The following FAM107B variants were observed in gnomAD, a reference collection of about 807,000 sequenced individuals.
FAM107B encodes family with sequence similarity 107 member B, also known as protein FAM107B.
Under a neutral mutation model 31.5 loss-of-function variants are expected in FAM107B, and 21 were observed. That is an observed-to-expected ratio of 0.67 (90% CI 0.47 to 0.96). The LOEUF is 0.96. FAM107B is among the 40% of genes least tolerant of loss of function. The pLI, the probability that FAM107B is intolerant of heterozygous loss-of-function variation, is 0.00. For synonymous variants in FAM107B, 157 were observed against 141.5 expected, an observed-to-expected ratio of 1.11 and a Z score of -0.78; for missense variants, 452 against 377.1, an observed-to-expected ratio of 1.20 and a Z score of -1.64.
intron 2 of FAM107B, among the ~76,000 whole-genome samples, chr10:14,632,482 G>T (rs1172825023): frequency 6.6e-6 from 1 of 151,302 alleles, no homozygotes; most frequent in Non-Finnish European, 1.5e-5. Context: ...GTGGTGGCGG[G>T]CGCCTGTAGT....
chr10:14,577,766 A>G (rs999160544), intron 2 of FAM107B, among the ~76,000 whole-genome samples: 4 of 152,224 alleles, frequency 2.6e-5, no homozygotes, highest in Admixed American at 6.5e-5. Flanking sequence ...AGCAGGCCCA[A>G]TGTTTTTAAC....
intron 2 of FAM107B, among the ~76,000 whole-genome samples, chr10:14,639,567 CCA>C (rs2131430322): frequency 6.6e-6 from 1 of 152,286 alleles, no homozygotes; most frequent in East Asian, 1.9e-4. Context: ...AAGACTACCC[CCA>C]AGATCCACCA....
At chr10:14,697,409 A>G (rs568606446) in intron 1 of FAM107B, among the ~76,000 whole-genome samples, 2 of 152,358 alleles carry the variant, frequency 1.3e-5, no homozygotes, top group African/African-American at 4.8e-5. Flanking sequence ...GAAATAATGC[A>G]GGGCTCTGCA....
chr10:14,558,465 T>C (rs1274089240), intron 2 of FAM107B, among the ~76,000 whole-genome samples: 2 of 152,186 alleles, frequency 1.3e-5, no homozygotes, highest in Non-Finnish European at 2.9e-5. Context: ...GGTAACTTAT[T>C]CACAAAGCAC....
intron 1 of FAM107B, among the ~76,000 whole-genome samples, chr10:14,767,017 T>TGG (rs1833176253): frequency 1.8e-5 from 1 of 55,708 alleles, no homozygotes; most frequent in African/African-American, 8.8e-5. Flanking sequence ...ATATCCCTGA[T>TGG]GTGTATGTAT....
chr10:14,773,984 T>C (rs558504479), intron 1 of FAM107B, among the ~76,000 whole-genome samples: 1 of 152,328 alleles, frequency 6.6e-6, no homozygotes, highest in South Asian at 2.1e-4. Context: ...GAGCCATTTT[T>C]GGCTCTAAGG....
chr10:14,522,987 T>G (rs1285844648), intron 3 of FAM107B, among the ~76,000 whole-genome samples: 1 of 152,134 alleles, frequency 6.6e-6, no homozygotes, highest in Non-Finnish European at 1.5e-5. Context: ...AAGTCCTACA[T>G]TTCTGAGAGA....
chr10:14,531,393 G>C (rs772116725), intron 2 of FAM107B, among the ~76,000 whole-genome samples: 2 of 152,082 alleles, frequency 1.3e-5, no homozygotes, highest in Non-Finnish European at 2.9e-5. Context: ...AGTGGTACAT[G>C]CCTATAGTCT....
chr10:14,633,714 AC>A (rs1369078821), intron 2 of FAM107B, among the ~76,000 whole-genome samples: 1 of 152,122 alleles, frequency 6.6e-6, no homozygotes, highest in Non-Finnish European at 1.5e-5. Context: ...TCCCTTATTA[AC>A]CCCCAAATCT....
rs118137443 is a variant in FAM107B, at chr10:14,600,303, G to A, written c.469+67331C>T. On this transcript the variant is annotated intron_variant, in intron 2 of 4. Transcript: ENST00000181796. ...CAAGGACACTGGGACAGAACCATAC[G>A]GTTTCCCGATCCACCTTCAATCCCA... Among the ~76,000 whole-genome samples, 204 of 152,262 alleles carry A rather than the reference G, an allele frequency of 1.3e-3. 1 individual carries two copies. The highest frequency in any genetic ancestry group is 2.7e-3 in the Non-Finnish European group (183 of 68,016).
In FAM107B at chr10:14,754,636, G is replaced by T. The variant is rs151193324; in HGVS notation, c.411+19617C>A. ...ACATCGTGAAAAGCAGAGGCCACGT[G>T]GAAGGAGCTGGTCTTCGGTGCCATC... On this transcript the variant is annotated intron_variant, in intron 1 of 4. Transcript: ENST00000181796. Among the ~76,000 whole-genome samples the T allele has an allele frequency of 2.5e-3, 380 of 152,310 alleles. 1 individual carries two copies. The highest frequency in any genetic ancestry group is 8.7e-3 in the African/African-American group (360 of 41,566).
intron 1 of FAM107B, among the ~76,000 whole-genome samples, chr10:14,729,916 T>C (rs1448238669): frequency 6.6e-6 from 1 of 152,178 alleles, no homozygotes; most frequent in Non-Finnish European, 1.5e-5. Context: ...GAAACCATCA[T>C]TCTCAGCAAA....
chr10:14,620,369 C>A (rs1269393860), intron 2 of FAM107B, among the ~76,000 whole-genome samples: 3 of 152,124 alleles, frequency 2.0e-5, no homozygotes, highest in Non-Finnish European at 2.9e-5. Context: ...AACCTTTCAT[C>A]AACACCACCC....
At chr10:14,569,664 A>G (rs994580163) in intron 2 of FAM107B, among the ~76,000 whole-genome samples, 1 of 152,212 alleles carries the variant, frequency 6.6e-6, no homozygotes, top group Admixed American at 6.5e-5. Context: ...TCACACAGTC[A>G]GCTCACAGGT....
At chr10:14,559,540 A>G (rs759487741) in intron 2 of FAM107B, among the ~76,000 whole-genome samples, 6 of 150,638 alleles carry the variant, frequency 4.0e-5, no homozygotes, top group Non-Finnish European at 7.4e-5. Context: ...TCAGTCCTAT[A>G]AGCCCGCAGC....
chr10:14,768,952 G>A (rs535967001), intron 1 of FAM107B, among the ~76,000 whole-genome samples: 2 of 152,242 alleles, frequency 1.3e-5, no homozygotes, highest in East Asian at 3.9e-4. Flanking sequence ...CAACCTTCCT[G>A]ACTCTAATCC....
intron 1 of FAM107B, among the ~76,000 whole-genome samples, chr10:14,674,766 G>T (rs904455251): frequency 2.0e-5 from 3 of 152,086 alleles, no homozygotes; most frequent in Non-Finnish European, 4.4e-5. Context: ...TCTCGCTCTC[G>T]CTCTGTTGCC....
At chr10:14,752,588 C>T (rs1216440223) in intron 1 of FAM107B, among the ~76,000 whole-genome samples, 1 of 152,056 alleles carries the variant, frequency 6.6e-6, no homozygotes, top group African/African-American at 2.4e-5. Context: ...GTATGTGGGA[C>T]CTCTGTGTGG....
At chr10:14,531,988 T>C (rs1847075391) in intron 2 of FAM107B, among the ~76,000 whole-genome samples, 1 of 152,240 alleles carries the variant, frequency 6.6e-6, no homozygotes, top group African/African-American at 2.4e-5. Context: ...TAACTGCGAT[T>C]TCTCTAAGTT....
Sources: allele counts gnomAD v4.1 joint callset (sites outside exome capture counted in the v4.1 genomes callset), GRCh38; gene constraint gnomAD v4.1.1; transcripts MANE v1.5; gene names NCBI Gene and HGNC (gene_info 2026-07-23, HGNC 2026-07-21).